TMTC1: variants seen among roughly 807,000 people sequenced by gnomAD.
TMTC1 encodes the protein protein O-mannosyl-transferase TMTC1.
Under a neutral mutation model 104.8 loss-of-function variants are expected in TMTC1, and 73 were observed. That is an observed-to-expected ratio of 0.70 (90% CI 0.58 to 0.85). The LOEUF (loss-of-function observed/expected upper bound fraction) is 0.85. Ranked by LOEUF, TMTC1 falls within the 40% of genes least tolerant of loss-of-function variation. The pLI is 0.00. For synonymous variants in TMTC1, 434 were observed against 428.7 expected (o/e 1.01, Z -0.15); for missense variants, 1,035 against 1,096.1 (o/e 0.94, Z 0.79).
intron 5 of TMTC1, among the ~76,000 whole-genome samples, chr12:29,743,060 A>T (rs1393757787): frequency 6.6e-6 from 1 of 152,220 alleles, no homozygotes; most frequent in East Asian, 1.9e-4. Flanking sequence ...GAAAACCCAC[A>T]ATTAAGAGCT....
chr12:29,671,238 T>C (rs887032885), intron 5 of TMTC1, among the ~76,000 whole-genome samples: 12 of 151,272 alleles, frequency 7.9e-5, no homozygotes, highest in Non-Finnish European at 1.5e-4. Context: ...CTCCGGAGGT[T>C]GCAGTGAGCA....
intron 5 of TMTC1, among the ~76,000 whole-genome samples, chr12:29,722,030 T>C (rs986446949): frequency 6.6e-6 from 1 of 152,204 alleles, no homozygotes; most frequent in Non-Finnish European, 1.5e-5. Context: ...TCTATATTCA[T>C]TTTGTTTCAA....
At chr12:29,508,926 C>G (rs1281708742) in intron 17 of TMTC1, among the ~76,000 whole-genome samples, 2 of 152,098 alleles carry the variant, frequency 1.3e-5, no homozygotes, top group Non-Finnish European at 2.9e-5. Context: ...TCAGTATCTC[C>G]AATTCCCTAG....
chr12:29,572,134 T>C lies in TMTC1; in HGVS notation c.1503A>G (p.Glu501=). The part of the protein sequence containing the change: ...NFLKDQGRNK[E]AIYHYRTALK... ...GAGCTGTTCTGTAGTGGTAGATCGC[T>C]TCCTTGTTCCGACCTTGGTCCTTCA... The change falls in exon 9 of 18, where the codon GAA becomes GAG. Residue 501 remains glutamate, a synonymous_variant. Coordinates refer to ENST00000539277, the MANE Select transcript of TMTC1 (RefSeq NM_001193451.2). 1 of 1,613,998 alleles carries C rather than the reference T, an allele frequency of 6.2e-7. No homozygotes were observed. The highest frequency in any genetic ancestry group is 8.5e-7 in the Non-Finnish European group (1 of 1,179,878).
chr12:29,721,920 CAAAA>C (rs970105424), intron 5 of TMTC1, among the ~76,000 whole-genome samples: 1 of 150,276 alleles, frequency 6.7e-6, no homozygotes, highest in South Asian at 2.1e-4. Flanking sequence ...TTTTCTAAAA[CAAAA>C]AAAAATCAGT....
rs181692738 is a variant in TMTC1, at chr12:29,523,791, G to A, written c.1786-3071C>T. On this transcript the variant is annotated intron_variant, in intron 11 of 17. Transcript: ENST00000539277. The stretch of plus-strand genomic sequence containing the variant: ...TTTGGAGGGCAGAAAGAAAATTCGC[G>A]TCTATTTTAGGACTTACCTGTTTAG... 3.9e-3 allele frequency among the ~76,000 whole-genome samples: 588 copies of A among 152,096 alleles called. 11 individuals are homozygous for A. Among genetic ancestry groups the A allele is most frequent in the Admixed American group, 0.032 (490 of 15,266 alleles).
chr12:29,653,148 G>A (rs1008438689), intron 5 of TMTC1, among the ~76,000 whole-genome samples: 16 of 151,688 alleles, frequency 1.1e-4, no homozygotes, highest in Admixed American at 1.1e-3. Context: ...ACACTTCGTG[G>A]ATCCTAACGG....
chr12:29,740,807 A>G (rs1942804853), intron 5 of TMTC1, among the ~76,000 whole-genome samples: 1 of 152,104 alleles, frequency 6.6e-6, no homozygotes, highest in Non-Finnish European at 1.5e-5. Flanking sequence ...AAAGGAAAAC[A>G]ATATTAATTT....
intron 5 of TMTC1, among the ~76,000 whole-genome samples, chr12:29,692,857 T>C (rs1466763793): frequency 6.9e-6 from 1 of 144,864 alleles, no homozygotes; most frequent in Non-Finnish European, 1.5e-5. Context: ...AGATAAACCT[T>C]AAAAACATCA....
intron 6 of TMTC1, among the ~76,000 whole-genome samples, chr12:29,611,918 C>T: frequency 6.6e-6 from 1 of 152,068 alleles, no homozygotes; most frequent in East Asian, 1.9e-4. Context: ...CTTAAATGGG[C>T]CCACTGAAGC....
At chr12:29,678,569 C>T (rs1388872296) in intron 5 of TMTC1, among the ~76,000 whole-genome samples, 1 of 152,072 alleles carries the variant, frequency 6.6e-6, no homozygotes, top group African/African-American at 2.4e-5. Context: ...TGAGGTGCCA[C>T]TAATCAGGGA....
chr12:29,558,050 A>G (rs1474414931), intron 9 of TMTC1, among the ~76,000 whole-genome samples: 1 of 152,242 alleles, frequency 6.6e-6, no homozygotes, highest in Non-Finnish European at 1.5e-5. Flanking sequence ...GGTGGACATC[A>G]GTATATCAAA....
chr12:29,737,545 G>T (rs1470542883), intron 5 of TMTC1, among the ~76,000 whole-genome samples: 1 of 152,064 alleles, frequency 6.6e-6, no homozygotes, highest in Non-Finnish European at 1.5e-5. Context: ...AAAAAAGGGC[G>T]GCGGGAGGGG....
intron 5 of TMTC1, among the ~76,000 whole-genome samples, chr12:29,686,274 A>G (rs573649916): frequency 1.3e-5 from 2 of 152,228 alleles, no homozygotes; most frequent in South Asian, 4.2e-4. Context: ...CTAATACTGA[A>G]ACTCCAGATT....
chr12:29,520,401 T>C (rs1417237022), intron 12 of TMTC1, among the ~76,000 whole-genome samples: 1 of 152,154 alleles, frequency 6.6e-6, no homozygotes, highest in Non-Finnish European at 1.5e-5. Context: ...CCTGGGGAGT[T>C]TTCCATAGAG....
chr12:29,634,697 C>T (rs1024555494), intron 5 of TMTC1, among the ~76,000 whole-genome samples: 4 of 152,174 alleles, frequency 2.6e-5, no homozygotes, highest in African/African-American at 9.7e-5. Flanking sequence ...GAAAATAGGA[C>T]ATACTGAATT....
At chr12:29,577,059 G>T (rs769476010) in intron 8 of TMTC1, among the ~76,000 whole-genome samples, 1 of 152,132 alleles carries the variant, frequency 6.6e-6, no homozygotes, top group Non-Finnish European at 1.5e-5. Context: ...AATACCTAAG[G>T]AGAACCAGCA....
chr12:29,725,881 C>T (rs897156900), intron 5 of TMTC1, among the ~76,000 whole-genome samples: 89 of 152,292 alleles, frequency 5.8e-4, no homozygotes, highest in African/African-American at 2.1e-3. Context: ...TATTCAAATT[C>T]AACACTTTAT....
upstream of TMTC1, chr12:29,784,553 G>A (rs1943913039): frequency 6.6e-6 from 1 of 152,224 alleles, no homozygotes; most frequent in African/African-American, 2.4e-5. Flanking sequence ...CCTGGACAAG[G>A]ACATCCTGCT....
Sources: gnomAD v4.1 joint callset for allele counts (sites outside exome capture counted in the v4.1 genomes callset) on GRCh38, gnomAD v4.1.1 for gene constraint, MANE v1.5 for transcripts, NCBI Gene and HGNC (gene_info 2026-07-23, HGNC 2026-07-21) for gene names.